HMCN2: variants seen among roughly 807,000 people sequenced by gnomAD.
The protein encoded by HMCN2 is hemicentin-2.
HMCN2 carries 325 observed loss-of-function variants against 377.5 expected under a neutral mutation model. The observed-to-expected ratio is 0.86, with a 90% confidence interval of 0.79 to 0.94. HMCN2 has a LOEUF of 0.94. Among genes scored for constraint, HMCN2 ranks in the 40% least tolerant of loss-of-function variants. HMCN2 has a pLI of 0.00. For missense variants in HMCN2, 4,543 were observed against 4,725.3 expected (o/e 0.96, Z 1.13); for synonymous variants, 2,007 against 2,046.8 (o/e 0.98, Z 0.53).
Position 130,265,835 on chromosome 9 carries a change from C to A in HMCN2, c.-44C>A, listed in dbSNP as rs1056430498. On this transcript the variant is annotated 5_prime_UTR_variant, in exon 1 of 98. Transcript: ENST00000683500. ...CACCGGGGCGGCCGGCTAGCTCCGA[C>A]CTGCGCCTCCACCGCAGCACCCGCA... 3.1e-6 allele frequency: 1 copy of A among 321,510 alleles called. No individual in the cohort carries two copies. Among genetic ancestry groups the A allele is most frequent in the Non-Finnish European group, 6.0e-6 (1 of 167,946 alleles). The allele number at this position is 321,510 out of a possible 1,614,324, so 19.9% of individuals were successfully genotyped here. A position where few individuals can be genotyped will look rare whatever the true frequency, so the allele number is the denominator to read the frequency against.
intron 35 of HMCN2, 107 bp from the exon 36 acceptor site, chr9:130,358,283 A>G: frequency 1.6e-6 from 2 of 1,254,312 alleles, no homozygotes; most frequent in South Asian, 1.3e-5. Flanking sequence ...AAGTGTCCCC[A>G]TGCCTCACTG....
Position 130,286,211 on chromosome 9 carries a change from C to T in HMCN2, c.513C>T (p.Asp171=), listed in dbSNP as rs1835403917. 2 of 471,060 alleles carry T rather than the reference C, an allele frequency of 4.2e-6. No homozygotes were observed. Among genetic ancestry groups the T allele is most frequent in the Non-Finnish European group, 8.8e-6 (2 of 227,042 alleles). The allele number at this position is 471,060 out of a possible 1,614,324, so 29.2% of individuals were successfully genotyped here. ...AGGTGGTCTTTGTGCTGACGGGGGACTGTGGCGACCGCACCCATCCTGGCT... is the reference window on the plus strand; with the variant it reads ...AGGTGGTCTTTGTGCTGACGGGGGATTGTGGCGACCGCACCCATCCTGGCT... The part of the protein sequence containing the change: ...QSQVVFVLTG[D]CGDRTHPGYL... Residue 171 remains aspartate, a synonymous_variant, in exon 4 of 98, where the codon GAC becomes GAT. Transcript: ENST00000683500.
chr9:130,420,439 C>T (rs1843940392), intron 86 of HMCN2, among the ~76,000 whole-genome samples: 1 of 152,112 alleles, frequency 6.6e-6, no homozygotes, highest in Non-Finnish European at 1.5e-5. Context: ...TGTACATGGC[C>T]TTTGTATTTG....
rs782202003 is a variant in HMCN2, at chr9:130,295,720, C to T, written c.839C>T (p.Ser280Leu). 6.2e-5 allele frequency: 29 copies of T among 471,070 alleles called. 1 individual carries two copies. The highest frequency in any genetic ancestry group is 2.8e-4 in the South Asian group (18 of 64,554). The allele number at this position is 471,070 out of a possible 1,614,324, so 29.2% of individuals were successfully genotyped here. A position where few individuals can be genotyped will look rare whatever the true frequency, so the allele number is the denominator to read the frequency against. Residue 280 changes from serine to leucine, a missense_variant, in exon 6 of 98, where the codon TCG becomes TTG. Ser to Leu is a moderately radical substitution (Grantham distance 145, BLOSUM62 -2). This residue lies in a region of HMCN2 where 547 missense variants were observed against 189.9 expected (regional missense o/e 2.88). Transcript: ENST00000683500. ...GLNVLLNIPDSAKVVAFKPEH... is the reference protein window; with the variant it reads ...GLNVLLNIPDLAKVVAFKPEH... ...AACGTGCTTCTCAACATCCCTGACT[C>T]GGCCAAGGTCGTAGCCTTTAAGCCT...
Position 130,425,096 on chromosome 9 carries a change from C to T in HMCN2, c.13607C>T (p.Pro4536Leu). 6.5e-7 allele frequency: 1 copy of T among 1,549,946 alleles called. No individual in the cohort carries two copies. Among genetic ancestry groups the T allele is most frequent in the Non-Finnish European group, 8.7e-7 (1 of 1,146,832 alleles). Residue 4536 changes from proline (P) to leucine (L), a missense_variant, in exon 89 of 98, where the codon CCC (proline) becomes CTC (leucine). Physicochemically the swap from Pro to Leu is moderately conservative, Grantham distance 98. Transcript: ENST00000683500. ...LLDVVVNGVV[P>L]ESLADADLQV... is the part of the protein sequence containing the mutation. ...GACGTGGTGGTCAATGGCGTTGTCC[C>T]CGAGAGCCTGGCTGACGCAGATCTT...
rs1842927064 is a variant in HMCN2 at position 130,402,989 on chromosome 9, C to G, written c.11878+93C>G. 3 of 1,086,056 alleles carry G rather than the reference C, an allele frequency of 2.8e-6. No individual in the cohort carries two copies. The African/African-American group carries it at 4.9e-5, about 18-fold the overall frequency. The allele number at this position is 1,086,056 out of a possible 1,614,324, so 67.3% of individuals were successfully genotyped here. ...GTGGGGCTCAGGATGGAGGTGAGGC[C>G]CCGGGTCTCAGAGGCCCCGACCTGT... On this transcript the variant is annotated intron_variant, in intron 78 of 97. Transcript: ENST00000683500.
Position 130,379,418 on chromosome 9 carries a change from C to G in HMCN2, c.8382C>G (p.Tyr2794Ter), listed in dbSNP as rs929346442. The change falls in exon 54 of 98, where the codon TAC (tyrosine) becomes TAG (stop). Residue 2794 changes from tyrosine to a stop codon, truncating the protein, a stop_gained. Transcript: ENST00000683500. LOFTEE classifies it high-confidence loss of function. ...TCCCACCCCCGGACCTCACCTGGTA[C>G]AGAGAGGATCAGCCCCTCTCGGCCG... ...NAIPPPDLTW[Y>*]REDQPLSAGD... The G allele has an allele frequency of 1.0e-6, 1 of 985,900 alleles. No individual in the cohort carries two copies. The highest frequency in any genetic ancestry group is 4.7e-5 in the South Asian group (1 of 21,292). The allele number at this position is 985,900 out of a possible 1,614,324, so 61.1% of individuals were successfully genotyped here.
At chr9:130,315,415 G>A (rs973906761) in intron 15 of HMCN2, among the ~76,000 whole-genome samples, 11 of 89,978 alleles carry the variant, frequency 1.2e-4, no homozygotes, top group Non-Finnish European at 4.4e-5. Context: ...CTGTCCCTAT[G>A]CACCAATTAT....
intron 22 of HMCN2, among the ~76,000 whole-genome samples, chr9:130,329,840 C>A (rs1035680988): frequency 5.8e-4 from 88 of 151,956 alleles, no homozygotes; most frequent in African/African-American, 2.0e-3. Flanking sequence ...CACACAGAAC[C>A]ACACTCAGCC....
chr9:130,273,430 A>G (rs1834507489), intron 1 of HMCN2, among the ~76,000 whole-genome samples: 2 of 151,720 alleles, frequency 1.3e-5, no homozygotes, highest in African/African-American at 2.4e-5. Context: ...AGTGTTTTGT[A>G]TTATTTATCA....
At chr9:130,418,049 A>T (rs909452907) in intron 85 of HMCN2, among the ~76,000 whole-genome samples, 2 of 152,176 alleles carry the variant, frequency 1.3e-5, no homozygotes, top group Non-Finnish European at 2.9e-5. Flanking sequence ...AGCCACCCAC[A>T]GTAGGTGACA....
chr9:130,414,147 T>C lies in HMCN2; in HGVS notation c.12961+3495T>C, dbSNP rs146321580. ...TCGCCCCTGTACCGAGGCACTGCTCTCCCCACACTGGAGCAGGATGCTGTC... is the reference window on the plus strand; with the variant it reads ...TCGCCCCTGTACCGAGGCACTGCTCCCCCCACACTGGAGCAGGATGCTGTC... On this transcript the variant is annotated intron_variant, in intron 85 of 97. Coordinates refer to ENST00000683500, the MANE Select transcript of HMCN2 (RefSeq NM_001291815.2). The surrounding 1 kb of genome is among the most constrained non-coding windows in gnomAD (Gnocchi z 4.4). Among the ~76,000 whole-genome samples the C allele has an allele frequency of 2.0e-4, 31 of 152,270 alleles. 2 individuals carry two copies. In the East Asian group the frequency reaches 6.0e-3, roughly 29 times the overall value.
At chr9:130,277,625 G>C (rs537986630) in intron 1 of HMCN2, among the ~76,000 whole-genome samples, 31 of 152,228 alleles carry the variant, frequency 2.0e-4, no homozygotes, top group African/African-American at 7.2e-4. Flanking sequence ...CACGTCAAAT[G>C]CTTAGAACAA....
intron 59 of HMCN2, among the ~76,000 whole-genome samples, 180 bp downstream of exon 59, chr9:130,384,978 G>A (rs1031299531): frequency 2.6e-5 from 4 of 152,196 alleles, no homozygotes; most frequent in South Asian, 2.1e-4. Flanking sequence ...AGCCTGGCTG[G>A]GGAAGGGGCC....
chr9:130,265,937 TGG>T lies in HMCN2; in HGVS notation c.60_61del (p.Ala21SerfsTer93), dbSNP rs1834066835. On this transcript the variant is annotated frameshift_variant, in exon 1 of 98. Transcript: ENST00000683500. LOFTEE classifies it high-confidence loss of function. ...ACCGCGGTCTCTGCGGCAGTGGCAG[TGG>T]CAGTGGCCGGGGCGCCCGGGACGGT... is the stretch of plus-strand genomic sequence containing the variant. 1 of 439,362 alleles carries T rather than the reference TGG, an allele frequency of 2.3e-6. No homozygotes were observed. Among genetic ancestry groups the T allele is most frequent in the African/African-American group, 2.1e-5 (1 of 48,578 alleles). 27.2% of individuals were successfully genotyped at this position (439,362 alleles called of 1,614,324 possible). A position where few individuals can be genotyped will look rare whatever the true frequency, so the allele number is the denominator to read the frequency against.
Position 130,346,133 on chromosome 9 carries a change from C to T in HMCN2, c.3830-1033C>T, listed in dbSNP as rs1009996217. Among the ~76,000 whole-genome samples, 31 of 152,054 alleles carry T rather than the reference C, an allele frequency of 2.0e-4. 1 individual carries two copies. The highest frequency in any genetic ancestry group is 3.2e-4 in the Non-Finnish European group (22 of 67,990). On this transcript the variant is annotated intron_variant, in intron 25 of 97. Coordinates refer to ENST00000683500, the MANE Select transcript of HMCN2 (RefSeq NM_001291815.2). ...CGTGCCGATCTGCAAGTGTGGGGAC[C>T]CCACAGGCTCCCCTGAGTCAGCGCT...
chr9:130,385,393 C>T (rs551606645), intron 59 of HMCN2, among the ~76,000 whole-genome samples, 167 bp from the exon 60 acceptor site: 32 of 152,090 alleles, frequency 2.1e-4, no homozygotes, highest in African/African-American at 6.7e-4. Flanking sequence ...GGGTCCTTGG[C>T]GTGCTGGCCT....
At chr9:130,298,104 G>A (rs781402111) in intron 7 of HMCN2, among the ~76,000 whole-genome samples, 2 of 152,110 alleles carry the variant, frequency 1.3e-5, no homozygotes, top group Admixed American at 6.6e-5. Flanking sequence ...ATAGGTGCGC[G>A]CTACACACCT....
In HMCN2 at chr9:130,394,434, C is replaced by T; in HGVS notation, c.10551C>T (p.Thr3517=). 1 of 1,289,688 alleles carries T rather than the reference C, an allele frequency of 7.8e-7. No individual in the cohort carries two copies. 79.9% of individuals were successfully genotyped at this position (1,289,688 alleles called of 1,614,324 possible). A position where few individuals can be genotyped will look rare whatever the true frequency, so the allele number is the denominator to read the frequency against. The change falls in exon 69 of 98, where the codon ACC becomes ACT. Residue 3517 remains threonine (T), a synonymous_variant. Transcript: ENST00000683500. The surrounding 1 kb of genome is among the most constrained non-coding windows in gnomAD (Gnocchi z 5.1). Reference sequence around the variant, plus strand: ...GCCAGCCTACAGAGCTGTCGCTGACCCCCGGCGCCCCCATGGAGCTCCTCT... The same window carrying T: ...GCCAGCCTACAGAGCTGTCGCTGACTCCCGGCGCCCCCATGGAGCTCCTCT... The part of the protein sequence containing the change: ...DSGQPTELSL[T]PGAPMELLCD...
Sources: gnomAD v4.1 joint callset for allele counts (sites outside exome capture counted in the v4.1 genomes callset) on GRCh38, gnomAD v4.1.1 for gene constraint, gnomAD v4.1.1 regional missense constraint, Gnocchi (gnomAD v3.1) non-coding constraint, MANE v1.5 for transcripts, NCBI Gene and HGNC (gene_info 2026-07-23, HGNC 2026-07-21) for gene names.